The following BRD3 variants were observed in gnomAD, a reference collection of about 807,000 sequenced individuals.
The protein encoded by BRD3 is bromodomain containing 3.
BRD3 carries 17 observed loss-of-function variants against 66.8 expected under a neutral mutation model. The observed-to-expected ratio is 0.25, with a 90% CI of 0.17 to 0.38. The LOEUF (loss-of-function observed/expected upper bound fraction) is 0.38. BRD3 is among the 10% of genes least tolerant of loss of function. The pLI is 1.00. For missense variants in BRD3, 713 were observed against 956.1 expected, an observed-to-expected ratio of 0.75 and a Z score of 3.35; for synonymous variants, 421 against 393.2, an observed-to-expected ratio of 1.07 and a Z score of -0.84.
Position 134,045,317 on chromosome 9 carries a change from A to G in BRD3, c.1191T>C (p.Val397=). The G allele has an allele frequency of 6.2e-7, 1 of 1,613,516 alleles. No individual in the cohort carries two copies. The highest frequency in any genetic ancestry group is 8.5e-7 in the Non-Finnish European group (1 of 1,180,004). The change falls in exon 7 of 12, where the codon GTT becomes GTC. Residue 397 remains valine (V), a synonymous_variant. Coordinates refer to ENST00000303407, the MANE Select transcript of BRD3 (RefSeq NM_007371.4). The surrounding 1 kb of genome is among the most constrained non-coding windows in gnomAD (Gnocchi z 4.8). ...CCTGGAGCTTCCGGGCCATGGCCAC[A>G]ACCTCGTGGTCTGGGGGATTGTATT... ...CYKYNPPDHE[V]VAMARKLQDV...
chr9:134,040,883 G>T (rs1322400352), intron 8 of BRD3, among the ~76,000 whole-genome samples: 1 of 152,202 alleles, frequency 6.6e-6, no homozygotes, highest in African/African-American at 2.4e-5. Context: ...ATTGTGCCAA[G>T]CGCCTCGCCC....
intron 6 of BRD3, among the ~76,000 whole-genome samples, chr9:134,047,287 G>A (rs748549790): frequency 2.0e-5 from 3 of 152,230 alleles, no homozygotes; most frequent in Admixed American, 6.5e-5. Context: ...TCCCAGGGCC[G>A]CACGGCAGTT....
At chr9:134,040,345 G>C in intron 8 of BRD3, 76 bp from the exon 9 acceptor site, 4 of 1,502,732 alleles carry the variant, frequency 2.7e-6, no homozygotes, top group Non-Finnish European at 3.6e-6. Flanking sequence ...CCTGGGATTG[G>C]AGGGGGCTTG....
rs1025291594 is a variant in BRD3 at position 134,032,969 on chromosome 9, C to G, written c.*621G>C. The G allele has an allele frequency of 5.1e-6, 2 of 394,828 alleles. No homozygotes were observed. The highest frequency in any genetic ancestry group is 3.6e-5 in the East Asian group (1 of 27,882). 24.5% of individuals were successfully genotyped at this position (394,828 alleles called of 1,614,324 possible). On this transcript the variant is annotated 3_prime_UTR_variant, in exon 12 of 12. Coordinates refer to ENST00000303407, the MANE Select transcript of BRD3 (RefSeq NM_007371.4). The stretch of plus-strand genomic sequence containing the variant: ...CCCTCCGAGGAGCTCCTGACATCAC[C>G]ACGAGCGGAGAACGCACATCCCACC...
In BRD3 at chr9:134,045,373, C is replaced by G. The variant is rs1830145445; in HGVS notation, c.1135G>C (p.Asp379His). The G allele has an allele frequency of 6.2e-7, 1 of 1,613,660 alleles. No individual in the cohort carries two copies. Among genetic ancestry groups the G allele is most frequent in the Admixed American group, 1.7e-5 (1 of 60,002 alleles). ...CAATTCGAGAACATCAGCCGGACATCAGCAGCAAAGCCCTGTGCGTCTGGG... is the reference window on the plus strand; with the variant it reads ...CAATTCGAGAACATCAGCCGGACATGAGCAGCAAAGCCCTGTGCGTCTGGG... ...EYPDAQGFAA[D>H]VRLMFSNCYK... The change falls in exon 7 of 12, where the codon GAT (aspartate) becomes CAT (histidine). Residue 379 changes from aspartate (D) to histidine (H), a missense_variant. By Grantham distance (81) the Asp-to-His change is moderately conservative. Coordinates refer to ENST00000303407, the MANE Select transcript of BRD3 (RefSeq NM_007371.4). The surrounding 1 kb of genome is among the most constrained non-coding windows in gnomAD (Gnocchi z 4.8).
At chr9:134,066,954 G>A (rs1464133721) in intron 1 of BRD3, among the ~76,000 whole-genome samples, 2 of 152,210 alleles carry the variant, frequency 1.3e-5, no homozygotes, top group Admixed American at 6.5e-5. Context: ...GCCCTCCAGG[G>A]AAAGGAGGCC....
At chr9:134,042,646 T>TAC (rs149487771) in intron 7 of BRD3, among the ~76,000 whole-genome samples, 2,405 of 134,802 alleles carry the variant, frequency 0.018, 48 homozygotes, top group African/African-American at 0.052. Context: ...CAAATATATA[T>TAC]ACACACACAC....
chr9:134,030,800 C>A lies in BRD3; in HGVS notation c.*2790G>T. ...CCAACACAAAGAGGGGTCTGGAGTTCAGTTCACGCCCGAAGCCTGCCCCCT... is the reference window on the plus strand; with the variant it reads ...CCAACACAAAGAGGGGTCTGGAGTTAAGTTCACGCCCGAAGCCTGCCCCCT... On this transcript the variant is annotated 3_prime_UTR_variant, in exon 12 of 12. Transcript: ENST00000303407. The A allele has an allele frequency of 4.3e-6, 1 of 232,534 alleles. No homozygotes were observed. The highest frequency in any genetic ancestry group is 8.5e-6 in the Non-Finnish European group (1 of 117,564). 14.4% of individuals were successfully genotyped at this position (232,534 alleles called of 1,614,324 possible).
intron 1 of BRD3, among the ~76,000 whole-genome samples, chr9:134,060,835 C>G (rs1476167206): frequency 6.6e-6 from 1 of 152,210 alleles, no homozygotes; most frequent in African/African-American, 2.4e-5. Context: ...ACCTCTGGCC[C>G]TGAAGCTGTG....
intron 1 of BRD3, among the ~76,000 whole-genome samples, chr9:134,063,242 C>T (rs566223884): frequency 3.9e-5 from 6 of 152,348 alleles, no homozygotes; most frequent in African/African-American, 1.2e-4. Flanking sequence ...GGAGGCAGAG[C>T]TAAGAGCAAA....
At chr9:134,050,878 A>G (rs991854297) in intron 4 of BRD3, among the ~76,000 whole-genome samples, 3 of 152,136 alleles carry the variant, frequency 2.0e-5, no homozygotes, top group Non-Finnish European at 4.4e-5. Flanking sequence ...GTCAAGGGCC[A>G]CCCTGGAGTC....
chr9:134,042,542 T>G, intron 7 of BRD3, among the ~76,000 whole-genome samples: 1 of 151,996 alleles, frequency 6.6e-6, no homozygotes, highest in East Asian at 1.9e-4. Context: ...GAGGCTGCGA[T>G]GGGTGGATTG....
At chr9:134,036,803 T>C (rs577136067) in intron 9 of BRD3, among the ~76,000 whole-genome samples, 2 of 151,570 alleles carry the variant, frequency 1.3e-5, no homozygotes, top group South Asian at 4.2e-4. Flanking sequence ...GGTCAGTAGG[T>C]CGAGACCATC....
At chr9:134,061,981 C>G (rs1394190586) in intron 1 of BRD3, among the ~76,000 whole-genome samples, 1 of 152,208 alleles carries the variant, frequency 6.6e-6, no homozygotes, top group Non-Finnish European at 1.5e-5. Context: ...CCCCAGCCCA[C>G]GTGGTGACCA....
At chr9:134,034,896 C>T in intron 10 of BRD3, 67 bp from the exon 11 acceptor site, 2 of 1,597,864 alleles carry the variant, frequency 1.3e-6, no homozygotes, top group Non-Finnish European at 1.7e-6. Flanking sequence ...AGGGCTGCAT[C>T]CAGGTGGCCA....
At chr9:134,052,586 G>A (rs915342175) in intron 2 of BRD3, 143 bp from the exon 3 acceptor site, 1 of 901,470 alleles carries the variant, frequency 1.1e-6, no homozygotes, top group Admixed American at 2.3e-5. Flanking sequence ...TGAAGGCAGT[G>A]GGCTATGGTG....
intron 2 of BRD3, among the ~76,000 whole-genome samples, chr9:134,052,973 A>G (rs148069417): frequency 4.8e-4 from 73 of 152,302 alleles, no homozygotes; most frequent in African/African-American, 1.7e-3. Context: ...GAGGCAGAAG[A>G]AGGCCCCAGT....
At chr9:134,054,619 C>A (rs1488677428) in intron 1 of BRD3, 1 of 152,294 alleles carries the variant, frequency 6.6e-6, no homozygotes, top group Admixed American at 6.5e-5. Flanking sequence ...CGGCTGGAGG[C>A]TCCCCTCGGA....
At chr9:134,060,453 G>C (rs537742708) in intron 1 of BRD3, among the ~76,000 whole-genome samples, 1 of 152,196 alleles carries the variant, frequency 6.6e-6, no homozygotes, top group African/African-American at 2.4e-5. Context: ...AATTAGCCAG[G>C]CCTGGTGGTG....
Sources: allele counts gnomAD v4.1 joint callset (sites outside exome capture counted in the v4.1 genomes callset), GRCh38; gene constraint gnomAD v4.1.1; non-coding constraint Gnocchi (gnomAD v3.1); transcripts MANE v1.5; gene names NCBI Gene and HGNC (gene_info 2026-07-23, HGNC 2026-07-21).